Variants in EPHB1 observed in about 807,000 individuals in gnomAD.
EPHB1 encodes the protein ephrin type-B receptor 1.
In EPHB1, 30 loss-of-function variants were observed where a neutral mutation model predicts 94.4. The observed-to-expected ratio is 0.32, with a 90% CI of 0.24 to 0.43. The LOEUF is 0.43. Among genes scored for constraint, EPHB1 ranks in the 20% least tolerant of loss-of-function variants. EPHB1 has a pLI of 1.00. For synonymous variants in EPHB1, 522 were observed against 489.1 expected (o/e 1.07, Z -0.89); for missense variants, 1,055 against 1,308.3 (o/e 0.81, Z 2.99).
At position 135,248,339 on chromosome 3, in the gene EPHB1, C is replaced by T. The variant is rs201927689; in HGVS notation, c.2520C>T (p.Asp840=). ...AGGTCATCAATGCCATCGAGCAGGA[C>T]TACCGGCTGCCCCCACCCATGGACT... ...NQDVINAIEQ[D]YRLPPPMDCP... Residue 840 remains aspartate (D), a synonymous_variant, in exon 14 of 16, where the codon GAC becomes GAT. Transcript: ENST00000398015. 2.0e-3 allele frequency: 3,256 copies of T among 1,597,194 alleles called. 5 individuals are homozygous for T. Among genetic ancestry groups the T allele is most frequent in the Non-Finnish European group, 2.6e-3 (3,011 of 1,167,008 alleles).
At chr3:135,049,375 T>A (rs983200814) in intron 3 of EPHB1, among the ~76,000 whole-genome samples, 2 of 152,360 alleles carry the variant, frequency 1.3e-5, no homozygotes, top group African/African-American at 4.8e-5. Flanking sequence ...TGCAGTCAGA[T>A]GATGGCTGAG....
chr3:135,084,094 A>G lies in EPHB1; in HGVS notation c.806-22354A>G, dbSNP rs546951890. ...TCTTTAGCTCAGGGATATGCCAAGA[A>G]AAATGAAATAAAAGTAAAGGAAAGA... On this transcript the variant is annotated intron_variant, in intron 3 of 15. Transcript: ENST00000398015. Among the ~76,000 whole-genome samples, 4 of 152,358 alleles carry G rather than the reference A, an allele frequency of 2.6e-5. No individual in the cohort carries two copies. In the South Asian group the frequency reaches 8.3e-4, roughly 32 times the overall value.
intron 10 of EPHB1, among the ~76,000 whole-genome samples, chr3:135,180,996 A>G (rs1942138334): frequency 6.6e-6 from 1 of 152,200 alleles, no homozygotes; most frequent in African/African-American, 2.4e-5. Flanking sequence ...GCCTCTCTCA[A>G]TAATATTTTA....
At chr3:134,933,458 G>A (rs577628253) in intron 2 of EPHB1, among the ~76,000 whole-genome samples, 109 of 115,620 alleles carry the variant, frequency 9.4e-4, no homozygotes, top group Non-Finnish European at 1.6e-3. Flanking sequence ...GTGTTGTGGA[G>A]AGCCTACTGG....
At chr3:134,847,758 G>C (rs907626652) in intron 1 of EPHB1, among the ~76,000 whole-genome samples, 1 of 152,168 alleles carries the variant, frequency 6.6e-6, no homozygotes, top group South Asian at 2.1e-4. Context: ...AGCAGAAATC[G>C]CATATGTGGA....
intron 1 of EPHB1, among the ~76,000 whole-genome samples, chr3:134,881,229 T>C (rs1248082613): frequency 6.6e-6 from 1 of 152,120 alleles, no homozygotes; most frequent in African/African-American, 2.4e-5. Flanking sequence ...AGGCAGAGGC[T>C]CCAAAGGCTC....
At chr3:135,041,009 T>A (rs1469746133) in intron 3 of EPHB1, among the ~76,000 whole-genome samples, 1 of 152,152 alleles carries the variant, frequency 6.6e-6, no homozygotes, top group Admixed American at 6.5e-5. Flanking sequence ...GCTAGGACTT[T>A]ATTTAATGAA....
At chr3:135,183,338 A>G (rs1942241493) in intron 10 of EPHB1, among the ~76,000 whole-genome samples, 1 of 146,502 alleles carries the variant, frequency 6.8e-6, no homozygotes, top group African/African-American at 2.5e-5. Context: ...CCCACCCTCC[A>G]GACTATGTAA....
At chr3:135,004,797 T>C (rs1479362265) in intron 3 of EPHB1, among the ~76,000 whole-genome samples, 12 of 151,750 alleles carry the variant, frequency 7.9e-5, no homozygotes, top group Admixed American at 1.3e-4. Context: ...CGAGCCTTGG[T>C]TTTCAGCTCC....
chr3:134,851,552 G>GA (rs2108299743), intron 1 of EPHB1, among the ~76,000 whole-genome samples: 1 of 152,286 alleles, frequency 6.6e-6, no homozygotes, highest in East Asian at 1.9e-4. Context: ...TGCATGGGAG[G>GA]AACACCTGGG....
rs373797543 is a variant in EPHB1, at chr3:135,249,409, G to A, written c.2764G>A (p.Ala922Thr). 47 of 1,613,882 alleles carry A rather than the reference G, an allele frequency of 2.9e-5. No homozygotes were observed. Among genetic ancestry groups the A allele is most frequent in the East Asian group, 6.7e-5 (3 of 44,896 alleles). ...TACCACCGTGGATGACTGGCTCAGC[G>A]CCATCAAAATGGTCCAGTACAGGGA... ...AFTTVDDWLS[A>T]IKMVQYRDSF... The change falls in exon 15 of 16, where the codon GCC (alanine) becomes ACC (threonine). Residue 922 changes from alanine to threonine, a missense_variant. Transcript: ENST00000398015.
chr3:135,065,523 G>A (rs1400417991), intron 3 of EPHB1, among the ~76,000 whole-genome samples: 1 of 152,052 alleles, frequency 6.6e-6, no homozygotes, highest in African/African-American at 2.4e-5. Context: ...CTTGCTTTTG[G>A]TGTCAATTTG....
At chr3:134,958,683 T>C (rs1055844518) in intron 3 of EPHB1, among the ~76,000 whole-genome samples, 1 of 152,088 alleles carries the variant, frequency 6.6e-6, no homozygotes, top group African/African-American at 2.4e-5. Flanking sequence ...TTTAGAAACC[T>C]CTCGGGCCTC....
intron 3 of EPHB1, among the ~76,000 whole-genome samples, chr3:135,012,006 T>C (rs1310094346): frequency 6.6e-6 from 1 of 152,236 alleles, no homozygotes; most frequent in Non-Finnish European, 1.5e-5. Context: ...ATTTTCATAT[T>C]CTTTCCTTTT....
At chr3:135,219,510 A>G (rs1943229957) in intron 12 of EPHB1, among the ~76,000 whole-genome samples, 1 of 152,056 alleles carries the variant, frequency 6.6e-6, no homozygotes, top group Non-Finnish European at 1.5e-5. Flanking sequence ...AAACACCAGA[A>G]ACTAGAAGGA....
chr3:134,962,692 C>T (rs1050267604), intron 3 of EPHB1, among the ~76,000 whole-genome samples: 1 of 152,176 alleles, frequency 6.6e-6, no homozygotes, highest in Non-Finnish European at 1.5e-5. Context: ...CACATCCTTT[C>T]CTTTAATTTT....
In EPHB1 at chr3:135,019,925, G is replaced by A. The variant is rs367652367; in HGVS notation, c.805+67873G>A. Among the ~76,000 whole-genome samples, 8 of 152,258 alleles carry A rather than the reference G, an allele frequency of 5.3e-5. No homozygotes were observed. In the East Asian group the frequency reaches 9.7e-4, roughly 18 times the overall value. On this transcript the variant is annotated intron_variant, in intron 3 of 15. Transcript: ENST00000398015. ...TAGGTTCCTAGAACTGGAATCAAAG[G>A]GTCTGTACTTGGCAATGAGTCTGGA...
rs147624253 is a variant in EPHB1, at chr3:135,160,424, C to T, written c.1423-1594C>T. ...CCTAGCTCAGCTCTGTTTCTTCTGT[C>T]ATTTTACCAAGAATACAGTTTACAA... On this transcript the variant is annotated intron_variant, in intron 6 of 15. Coordinates refer to ENST00000398015, the MANE Select transcript of EPHB1 (RefSeq NM_004441.5). 8.0e-4 allele frequency among the ~76,000 whole-genome samples: 122 copies of T among 152,288 alleles called. 1 individual carries two copies. Among genetic ancestry groups the T allele is most frequent in the Middle Eastern group, 3.4e-3 (1 of 294 alleles).
At chr3:134,953,066 A>T (rs1553714429) in intron 3 of EPHB1, among the ~76,000 whole-genome samples, 1 of 152,060 alleles carries the variant, frequency 6.6e-6, no homozygotes, top group Non-Finnish European at 1.5e-5. Context: ...CCCTAGGGTT[A>T]CCCTTAGTCC....
Sources: allele counts gnomAD v4.1 joint callset (sites outside exome capture counted in the v4.1 genomes callset), GRCh38; gene constraint gnomAD v4.1.1; transcripts MANE v1.5; gene names NCBI Gene and HGNC (gene_info 2026-07-23, HGNC 2026-07-21).